The following PDE4B variants were observed in gnomAD, a reference collection of about 807,000 sequenced individuals.
PDE4B encodes the protein phosphodiesterase 4B.
In PDE4B, 20 loss-of-function variants were observed where a neutral mutation model predicts 82.2. That is an observed-to-expected ratio of 0.24 (90% CI 0.17 to 0.35). PDE4B has a LOEUF of 0.35. Among genes scored for constraint, PDE4B ranks in the 10% least tolerant of loss-of-function variants. The pLI, the probability that PDE4B is intolerant of heterozygous loss-of-function variation, is 1.00. For synonymous variants in PDE4B, 320 were observed against 318.9 expected (o/e 1.00, Z -0.04); for missense variants, 655 against 907.2 (o/e 0.72, Z 3.57).
At chr1:66,273,200 T>C (rs950740590) in intron 7 of PDE4B, among the ~76,000 whole-genome samples, 5 of 152,350 alleles carry the variant, frequency 3.3e-5, no homozygotes, top group Middle Eastern at 3.4e-3. Flanking sequence ...TCTCCCACTT[T>C]ACGCTGCCAC....
At chr1:66,111,738 T>C (rs2101053056) in intron 3 of PDE4B, among the ~76,000 whole-genome samples, 1 of 152,254 alleles carries the variant, frequency 6.6e-6, no homozygotes, top group South Asian at 2.1e-4. Flanking sequence ...GCCATGGATC[T>C]ATCAGTGATA....
intron 3 of PDE4B, among the ~76,000 whole-genome samples, chr1:66,227,079 C>G (rs1352516705): frequency 6.6e-6 from 1 of 152,162 alleles, no homozygotes; most frequent in Admixed American, 6.5e-5. Flanking sequence ...ACAAGAGTGT[C>G]ATTGATTGAG....
chr1:65,893,534 A>C (rs749997456), intron 1 of PDE4B, among the ~76,000 whole-genome samples: 1 of 152,174 alleles, frequency 6.6e-6, no homozygotes, highest in African/African-American at 2.4e-5. Context: ...GAATACTTTT[A>C]TACTGCTCGT....
intron 3 of PDE4B, among the ~76,000 whole-genome samples, chr1:65,954,275 A>G (rs1000428934): frequency 7.2e-5 from 11 of 152,066 alleles, no homozygotes; most frequent in African/African-American, 2.7e-4. Flanking sequence ...TGGTTCAGAG[A>G]ACTTGTTTCT....
At chr1:66,101,990 A>T (rs1645234858) in intron 3 of PDE4B, among the ~76,000 whole-genome samples, 1 of 152,124 alleles carries the variant, frequency 6.6e-6, no homozygotes, top group Non-Finnish European at 1.5e-5. Context: ...TCTTTAATCC[A>T]TCTTGAATTA....
At position 66,374,273 on chromosome 1, in the gene PDE4B, A is replaced by C. The variant is rs2050889482; in HGVS notation, c.*1595A>C. 1 of 152,694 alleles carries C rather than the reference A, an allele frequency of 6.5e-6. No homozygotes were observed. Among genetic ancestry groups the C allele is most frequent in the African/African-American group, 2.4e-5 (1 of 41,470 alleles). 9.5% of individuals were successfully genotyped at this position (152,694 alleles called of 1,614,324 possible). On this transcript the variant is annotated 3_prime_UTR_variant, in exon 17 of 17. Coordinates refer to ENST00000341517, the MANE Select transcript of PDE4B (RefSeq NM_002600.4). ...TTTATAATAAAATGTGAACTGATGTAGCAAATTACGCAAATGTGAAGCCTC... is the reference window on the plus strand; with the variant it reads ...TTTATAATAAAATGTGAACTGATGTCGCAAATTACGCAAATGTGAAGCCTC...
At chr1:66,114,355 TA>T (rs1198691285) in intron 3 of PDE4B, among the ~76,000 whole-genome samples, 1 of 152,144 alleles carries the variant, frequency 6.6e-6, no homozygotes, top group Non-Finnish European at 1.5e-5. Flanking sequence ...ATGAGGAAAC[TA>T]AAGTTGAAAG....
At chr1:66,177,043 C>T (rs1207610207) in intron 3 of PDE4B, among the ~76,000 whole-genome samples, 1 of 152,174 alleles carries the variant, frequency 6.6e-6, no homozygotes, top group Non-Finnish European at 1.5e-5. Flanking sequence ...CATAAAGCTG[C>T]ATGAGGTCCC....
At chr1:65,811,777 T>A (rs1645824498) in intron 1 of PDE4B, among the ~76,000 whole-genome samples, 1 of 152,158 alleles carries the variant, frequency 6.6e-6, no homozygotes, top group Non-Finnish European at 1.5e-5. Context: ...TAAGGTGGCT[T>A]GGATTTTCTC....
At chr1:65,820,341 G>C (rs1029984264) in intron 1 of PDE4B, among the ~76,000 whole-genome samples, 3 of 152,084 alleles carry the variant, frequency 2.0e-5, no homozygotes, top group Admixed American at 1.3e-4. Flanking sequence ...ATTCACTATG[G>C]AAAAAAGAAC....
chr1:66,280,667 G>A (rs1656229022), intron 7 of PDE4B, among the ~76,000 whole-genome samples: 1 of 152,154 alleles, frequency 6.6e-6, no homozygotes, highest in African/African-American at 2.4e-5. Flanking sequence ...ATTTCCCTGT[G>A]AGTCTTGTAT....
intron 1 of PDE4B, among the ~76,000 whole-genome samples, chr1:65,910,317 T>G (rs1298525788): frequency 6.6e-6 from 1 of 152,202 alleles, no homozygotes; most frequent in Non-Finnish European, 1.5e-5. Flanking sequence ...ATTGAGATAA[T>G]GCTTGCCGAC....
intron 3 of PDE4B, among the ~76,000 whole-genome samples, chr1:66,087,485 G>A (rs906042015): frequency 2.0e-5 from 3 of 152,080 alleles, no homozygotes; most frequent in Admixed American, 1.3e-4. Context: ...CTGTGCAGAA[G>A]CTCTTTAATT....
intron 3 of PDE4B, among the ~76,000 whole-genome samples, chr1:65,969,218 G>A (rs568236769): frequency 1.3e-5 from 2 of 152,194 alleles, no homozygotes; most frequent in African/African-American, 4.8e-5. Context: ...AATTACTCTG[G>A]AACCCAGGCT....
At chr1:66,331,673 C>T in intron 7 of PDE4B, 1 of 844,740 alleles carries the variant, frequency 1.2e-6, no homozygotes. Flanking sequence ...AGAGTGTTCA[C>T]ATCTGGCTCC....
intron 4 of PDE4B, among the ~76,000 whole-genome samples, chr1:66,257,070 A>T (rs1198089190): frequency 6.6e-6 from 1 of 152,188 alleles, no homozygotes; most frequent in African/African-American, 2.4e-5. Flanking sequence ...CAATGGTATG[A>T]TTATGGCAGG....
At chr1:66,048,003 G>C (rs546502021) in intron 3 of PDE4B, among the ~76,000 whole-genome samples, 2 of 151,964 alleles carry the variant, frequency 1.3e-5, no homozygotes, top group South Asian at 2.1e-4. Flanking sequence ...TCTTTCTTTG[G>C]ATGGCGTCTA....
chr1:66,278,540 C>A lies in PDE4B; in HGVS notation c.634+12453C>A, dbSNP rs565327367. ...TTTGCTGCCTTTGGAAGGACAGTCT[C>A]ACCAAAAGAGCCAGTCATCCTACTA... On this transcript the variant is annotated intron_variant, in intron 7 of 16. Transcript: ENST00000341517. Among the ~76,000 whole-genome samples the A allele has an allele frequency of 2.0e-5, 3 of 152,330 alleles. No individual in the cohort carries two copies. The South Asian group carries it at 6.2e-4, about 32-fold the overall frequency.
At chr1:65,937,247 C>T (rs762492301) in intron 3 of PDE4B, among the ~76,000 whole-genome samples, 38 of 152,146 alleles carry the variant, frequency 2.5e-4, no homozygotes, top group Non-Finnish European at 4.4e-4. Context: ...ACTGTCTCAA[C>T]GTTCACCTCC....
Sources: gnomAD v4.1 joint callset for allele counts (sites outside exome capture counted in the v4.1 genomes callset) on GRCh38, gnomAD v4.1.1 for gene constraint, MANE v1.5 for transcripts, NCBI Gene and HGNC (gene_info 2026-07-23, HGNC 2026-07-21) for gene names.